TPM3: variants seen among roughly 807,000 people sequenced by gnomAD.
TPM3 encodes tropomyosin 3.
TPM3 carries 16 observed loss-of-function variants against 43.1 expected under a neutral mutation model. The ratio of observed to expected loss-of-function variants is 0.37; its 90% CI spans 0.25 to 0.56. The LOEUF is 0.56. Ranked by LOEUF, TPM3 falls within the 20% of genes least tolerant of loss-of-function variation. The probability of loss-of-function intolerance (pLI) is 0.77; values close to 1 mark genes in which losing one functional copy is unlikely to be tolerated. For missense variants in TPM3, 176 were observed against 337.2 expected, an observed-to-expected ratio of 0.52 and a Z score of 3.74; for synonymous variants, 101 against 116.9, an observed-to-expected ratio of 0.86 and a Z score of 0.88.
chr1:154,191,247 T>C lies in TPM3; in HGVS notation c.182A>G (p.Tyr61Cys). ...CTGGGCATCCTTCAAAGCTTCAGAA[T>C]ACTTGTCCAGCTCATCCTCTGTCCC... is the stretch of plus-strand genomic sequence containing the variant. ...LKGTEDELDK[Y>C]SEALKDAQEK... The change falls in exon 2 of 10, where the codon TAT (tyrosine) becomes TGT (cysteine). Residue 61 changes from tyrosine (Y) to cysteine (C), a missense_variant. By Grantham distance (194) the Tyr-to-Cys change is radical (BLOSUM62 -2). Around this residue, in one of 4 missense-constraint regions of TPM3, gnomAD observed 82 missense variants for 148.8 expected, o/e 0.55. Transcript: ENST00000651641. The C allele has an allele frequency of 6.2e-7, 1 of 1,614,200 alleles. No homozygotes were observed. The highest frequency in any genetic ancestry group is 8.5e-7 in the Non-Finnish European group (1 of 1,180,040).
chr1:154,189,183 C>G (rs1663560497), intron 2 of TPM3, among the ~76,000 whole-genome samples: 1 of 112,914 alleles, frequency 8.9e-6, no homozygotes, highest in South Asian at 3.1e-4. Flanking sequence ...AAAAAAAAAG[C>G]CCAGGCGCAG....
downstream of TPM3, among the ~76,000 whole-genome samples, chr1:154,160,194 A>G (rs1298241979): frequency 1.3e-5 from 2 of 152,160 alleles, no homozygotes; most frequent in Non-Finnish European, 2.9e-5. Flanking sequence ...AGGAAAACCA[A>G]ACTCTTCCTG....
At chr1:154,177,720 A>C (rs1049458379) in intron 2 of TPM3, among the ~76,000 whole-genome samples, 3 of 152,136 alleles carry the variant, frequency 2.0e-5, no homozygotes, top group African/African-American at 7.2e-5. Flanking sequence ...GCAGCTATAG[A>C]AACAGCCTGG....
downstream of TPM3, among the ~76,000 whole-genome samples, chr1:154,160,016 A>C (rs1660189837): frequency 6.9e-6 from 1 of 145,282 alleles, no homozygotes; most frequent in Non-Finnish European, 1.5e-5. Context: ...TTTTTTTACA[A>C]ATCAGGCTAA....
chr1:154,172,648 A>G, intron 5 of TPM3: 1 of 531,198 alleles, frequency 1.9e-6, no homozygotes, highest in East Asian at 3.6e-5. Context: ...ACTGTTCACC[A>G]TGTATTAGTC....
chr1:154,185,107 C>T (rs1246495714), intron 2 of TPM3, among the ~76,000 whole-genome samples: 2 of 152,164 alleles, frequency 1.3e-5, no homozygotes, highest in Non-Finnish European at 2.9e-5. Context: ...TGTGGTGGCT[C>T]ATGCCTGTAA....
At chr1:154,161,129 A>AC, downstream of TPM3, among the ~76,000 whole-genome samples, 1 of 136,018 alleles carries the variant, frequency 7.4e-6, no homozygotes, top group Non-Finnish European at 1.5e-5. Flanking sequence ...TAATGCAAAT[A>AC]TTAAAAAAAA....
chr1:154,171,127 T>C (rs902201683), intron 6 of TPM3: 2 of 578,824 alleles, frequency 3.5e-6, no homozygotes, highest in Non-Finnish European at 6.2e-6. Context: ...CCCCCATCTG[T>C]CTGCTAGAAA....
At position 154,165,789 on chromosome 1, in the gene TPM3, CAAAAAAAAAA is replaced by C. The variant is rs68185418; in HGVS notation, c.*2138_*2147del. The stretch of plus-strand genomic sequence containing the variant: ...AGGTGACAAGAGTCAAACTCCGTCT[CAAAAAAAAAA>C]AAAAAAAGAAAAAAAGAAAAAAGTT... On this transcript the variant is annotated 3_prime_UTR_variant, in exon 10 of 10. Transcript: ENST00000651641. Among the ~76,000 whole-genome samples, 4 of 82,262 alleles carry C rather than the reference CAAAAAAAAAA, an allele frequency of 4.9e-5. No homozygotes were observed. Among genetic ancestry groups the C allele is most frequent in the Admixed American group, 2.6e-4 (2 of 7,718 alleles). The allele number at this position is 82,262 out of a possible 152,430, so 54.0% of individuals were successfully genotyped here. A position where few individuals can be genotyped will look rare whatever the true frequency, so the allele number is the denominator to read the frequency against.
At chr1:154,191,620 A>G in intron 1 of TPM3, 4 of 1,411,252 alleles carry the variant, frequency 2.8e-6, no homozygotes, top group Non-Finnish European at 3.7e-6. Flanking sequence ...TTCCCTCTAG[A>G]ACTCTTACCT....
chr1:154,177,291 T>C (rs11265238), intron 2 of TPM3, among the ~76,000 whole-genome samples: 24,409 of 152,002 alleles, frequency 0.16, 2,402 homozygotes, highest in East Asian at 0.37. Context: ...CCCACTACCA[T>C]TCCTCCAAAT....
intron 2 of TPM3, chr1:154,183,776 G>A (rs1192087841): frequency 6.3e-6 from 1 of 159,296 alleles, no homozygotes; most frequent in Non-Finnish European, 1.4e-5. Context: ...TGGAAGGGAT[G>A]GGCAAGATGG....
Position 154,166,422 on chromosome 1 carries a change from C to T in TPM3, c.*1515G>A. ...CTCCCAGGAGGTCACCATACTGATGCCAAATTTAGTGAGGACATCTGACCT... is the reference window on the plus strand; with the variant it reads ...CTCCCAGGAGGTCACCATACTGATGTCAAATTTAGTGAGGACATCTGACCT... On this transcript the variant is annotated 3_prime_UTR_variant, in exon 10 of 10. Coordinates refer to ENST00000651641, the MANE Select transcript of TPM3 (RefSeq NM_152263.4). The T allele has an allele frequency of 1.5e-6, 1 of 651,106 alleles. No homozygotes were observed. Among genetic ancestry groups the T allele is most frequent in the Non-Finnish European group, 2.0e-6 (1 of 503,230 alleles). 40.3% of individuals were successfully genotyped at this position (651,106 alleles called of 1,614,324 possible). A position where few individuals can be genotyped will look rare whatever the true frequency, so the allele number is the denominator to read the frequency against.
Position 154,163,520 on chromosome 1 carries a change from G to T in TPM3, c.*4417C>A, listed in dbSNP as rs1270522966. ...AGTTATCTTCCTTCTTAGCCTCTCT[G>T]TTGAAAAACCACTAGAAAGCATCCA... On this transcript the variant is annotated 3_prime_UTR_variant, in exon 10 of 10. Coordinates refer to ENST00000651641, the MANE Select transcript of TPM3 (RefSeq NM_152263.4). Among the ~76,000 whole-genome samples the T allele has an allele frequency of 6.6e-6, 1 of 152,080 alleles. No homozygotes were observed. The highest frequency in any genetic ancestry group is 1.5e-5 in the Non-Finnish European group (1 of 67,998).
Position 154,166,303 on chromosome 1 carries a change from G to A in TPM3, c.*1634C>T, listed in dbSNP as rs1660952376. 4.4e-6 allele frequency: 1 copy of A among 228,230 alleles called. No individual in the cohort carries two copies. Among genetic ancestry groups the A allele is most frequent in the South Asian group, 1.8e-4 (1 of 5,488 alleles). 14.1% of individuals were successfully genotyped at this position (228,230 alleles called of 1,614,324 possible). On this transcript the variant is annotated 3_prime_UTR_variant, in exon 10 of 10. Transcript: ENST00000651641. Reference sequence around the variant, plus strand: ...AGTACTACAGTGGCTATTTATAGGTGCAATCCCACTACTGATCAGCACAGG... The same window carrying A: ...AGTACTACAGTGGCTATTTATAGGTACAATCCCACTACTGATCAGCACAGG...
In TPM3 at chr1:154,191,311, G is replaced by A. The variant is rs1160675914; in HGVS notation, c.118C>T (p.Leu40=). The change falls in exon 2 of 10, where the codon CTG becomes TTG. Residue 40 remains leucine, a splice_region_variant and synonymous_variant. Transcript: ENST00000651641. The part of the protein sequence containing the change: ...QKQAEERSKQ[L]EDELAAMQKK... Reference sequence around the variant, plus strand: ...TGCATGGCTGCCAGCTCATCCTCCAGCTATAGGAGCCCAGAGAGTCACACA... The same window carrying A: ...TGCATGGCTGCCAGCTCATCCTCCAACTATAGGAGCCCAGAGAGTCACACA... 2 of 1,613,782 alleles carry A rather than the reference G, an allele frequency of 1.2e-6. No homozygotes were observed. Among genetic ancestry groups the A allele is most frequent in the African/African-American group, 1.3e-5 (1 of 74,884 alleles).
intron 3 of TPM3, among the ~76,000 whole-genome samples, chr1:154,174,364 A>ATGTG (rs201374790): frequency 0.021 from 1,132 of 54,968 alleles, 23 homozygotes; most frequent in Non-Finnish European, 0.027. Flanking sequence ...ATTTAAATAT[A>ATGTG]TGTGTATATA....
chr1:154,182,889 G>A, intron 2 of TPM3: 5 of 1,576,904 alleles, frequency 3.2e-6, no homozygotes, highest in Non-Finnish European at 4.3e-6. Context: ...GAGCCCGCCG[G>A]CCTTCAGAGG....
Position 154,165,611 on chromosome 1 carries a change from A to C in TPM3, c.*2326T>G, listed in dbSNP as rs1258834238. ...CCAGACCAGCCTGGCCAACATGGTG[A>C]AACCTCACCTCTACTAATAATACAA... is the stretch of plus-strand genomic sequence containing the variant. On this transcript the variant is annotated 3_prime_UTR_variant, in exon 10 of 10. Transcript: ENST00000651641. Among the ~76,000 whole-genome samples, 1 of 151,940 alleles carries C rather than the reference A, an allele frequency of 6.6e-6. No individual in the cohort carries two copies. The highest frequency in any genetic ancestry group is 1.9e-4 in the East Asian group (1 of 5,162).
Sources: allele counts gnomAD v4.1 joint callset (sites outside exome capture counted in the v4.1 genomes callset), GRCh38; gene constraint gnomAD v4.1.1; regional missense constraint gnomAD v4.1.1; transcripts MANE v1.5; gene names NCBI Gene and HGNC (gene_info 2026-07-23, HGNC 2026-07-21).